The following CDK19 variants were observed in gnomAD, a reference collection of about 807,000 sequenced individuals.
CDK19 encodes cyclin dependent kinase 19, also known as cyclin-dependent kinase 19.
CDK19 carries 20 observed loss-of-function variants against 68.3 expected under a neutral mutation model. The observed-to-expected ratio is 0.29, with a 90% CI of 0.21 to 0.43. CDK19 has a LOEUF of 0.43. Among genes scored for constraint, CDK19 ranks in the 20% least tolerant of loss-of-function variants. CDK19 has a pLI of 1.00. For missense variants in CDK19, 339 were observed against 623.5 expected (o/e 0.54, Z 4.86); for synonymous variants, 221 against 222.8 (o/e 0.99, Z 0.07).
intron 1 of CDK19, among the ~76,000 whole-genome samples, chr6:110,757,290 A>T (rs76060449): frequency 6.6e-6 from 1 of 152,316 alleles, no homozygotes; most frequent in African/African-American, 2.4e-5. Context: ...AAGAAAGGGA[A>T]ACTATTAAAA....
chr6:110,728,891 T>C (rs895108820), intron 2 of CDK19, among the ~76,000 whole-genome samples: 10 of 152,242 alleles, frequency 6.6e-5, no homozygotes, highest in Non-Finnish European at 1.0e-4. Context: ...TCTCTTGTTA[T>C]CCTGCCATGA....
At chr6:110,743,744 G>A (rs972833950) in intron 2 of CDK19, among the ~76,000 whole-genome samples, 5 of 152,038 alleles carry the variant, frequency 3.3e-5, no homozygotes, top group African/African-American at 1.2e-4. Context: ...GGATTCCCTG[G>A]CACATAGAAG....
intron 1 of CDK19, among the ~76,000 whole-genome samples, chr6:110,797,558 T>C (rs149638657): frequency 1.3e-4 from 20 of 151,638 alleles, no homozygotes; most frequent in African/African-American, 4.8e-4. Flanking sequence ...GGAAGGAAGA[T>C]AGAAAAGAAA....
intron 1 of CDK19, among the ~76,000 whole-genome samples, chr6:110,759,428 A>ATATATATATATATATATAT (rs1554219514): frequency 2.0e-5 from 1 of 50,904 alleles, no homozygotes; most frequent in African/African-American, 8.7e-5. Flanking sequence ...AAAAAAAAAA[A>ATATATATATATATATATAT]ATATATATAT....
At chr6:110,711,782 A>G (rs918023319) in intron 2 of CDK19, among the ~76,000 whole-genome samples, 1 of 152,378 alleles carries the variant, frequency 6.6e-6, no homozygotes, top group East Asian at 1.9e-4. Context: ...AGCCTGGCCA[A>G]CATGGCAAAA....
At chr6:110,712,202 A>T (rs1171579655) in intron 2 of CDK19, among the ~76,000 whole-genome samples, 2 of 152,218 alleles carry the variant, frequency 1.3e-5, no homozygotes, top group Non-Finnish European at 2.9e-5. Flanking sequence ...TTGACTGAGT[A>T]AGTAATACAG....
intron 1 of CDK19, among the ~76,000 whole-genome samples, chr6:110,784,348 G>A (rs1781049628): frequency 2.6e-5 from 4 of 151,942 alleles, no homozygotes; most frequent in Admixed American, 2.6e-4. Flanking sequence ...TTTCTCCAAA[G>A]AATATATGCA....
chr6:110,719,372 A>G (rs1775648420), intron 2 of CDK19, among the ~76,000 whole-genome samples: 1 of 152,082 alleles, frequency 6.6e-6, no homozygotes, highest in South Asian at 2.1e-4. Flanking sequence ...AATTTTTGGT[A>G]GAGACAGGGT....
chr6:110,732,983 C>T (rs1164347947), intron 2 of CDK19, among the ~76,000 whole-genome samples: 1 of 152,032 alleles, frequency 6.6e-6, no homozygotes, highest in African/African-American at 2.4e-5. Flanking sequence ...AGGAGAATCG[C>T]TTGAACCCAG....
At chr6:110,654,100 G>A (rs576309616) in intron 4 of CDK19, among the ~76,000 whole-genome samples, 14 of 152,246 alleles carry the variant, frequency 9.2e-5, no homozygotes, top group African/African-American at 1.9e-4. Context: ...GAACAGTGCC[G>A]GCTTGATATT....
Position 110,815,365 on chromosome 6 carries a change from G to T in CDK19, c.-229C>A. ...CTCCTCCTCCTCCGCGACGGCGGCG[G>T]CGGCTCCCGCAGGCACCCCCAGTCC... is the stretch of plus-strand genomic sequence containing the variant. On this transcript the variant is annotated 5_prime_UTR_variant, in exon 1 of 13. Transcript: ENST00000368911. 2.6e-6 allele frequency: 1 copy of T among 391,414 alleles called. No individual in the cohort carries two copies. Among genetic ancestry groups the T allele is most frequent in the Non-Finnish European group, 4.4e-6 (1 of 226,162 alleles). 24.2% of individuals were successfully genotyped at this position (391,414 alleles called of 1,614,324 possible). A position where few individuals can be genotyped will look rare whatever the true frequency, so the allele number is the denominator to read the frequency against.
chr6:110,663,215 ATT>A (rs960627673), intron 4 of CDK19, among the ~76,000 whole-genome samples: 1 of 152,222 alleles, frequency 6.6e-6, no homozygotes, highest in Non-Finnish European at 1.5e-5. Flanking sequence ...GTCAAGCCAA[ATT>A]TCTTACAGCA....
chr6:110,797,969 A>G (rs886163266), intron 1 of CDK19, among the ~76,000 whole-genome samples: 2 of 139,780 alleles, frequency 1.4e-5, no homozygotes, highest in Non-Finnish European at 3.1e-5. Context: ...TGGGCGACAG[A>G]GCAAGACTCC....
intron 1 of CDK19, among the ~76,000 whole-genome samples, chr6:110,755,480 C>A (rs771107215): frequency 2.6e-5 from 4 of 152,084 alleles, no homozygotes; most frequent in Non-Finnish European, 4.4e-5. Flanking sequence ...ACAGGGACTG[C>A]TATCAGGTAA....
rs1024664285 is a variant in CDK19 at position 110,738,086 on chromosome 6, C to T, written c.204+8040G>A. Among the ~76,000 whole-genome samples the T allele has an allele frequency of 3.3e-5, 5 of 152,240 alleles. No individual in the cohort carries two copies. The East Asian group carries it at 9.6e-4, about 29-fold the overall frequency. The stretch of plus-strand genomic sequence containing the variant: ...AGTGTTTTTTACAAAAATCTCAGTA[C>T]TAAACTTTGATTTTGTCCCTTTCAC... On this transcript the variant is annotated intron_variant, in intron 2 of 12. Transcript: ENST00000368911.
chr6:110,621,514 T>C lies in CDK19; in HGVS notation c.1111-144A>G. 2.5e-6 allele frequency: 2 copies of C among 785,308 alleles called. No individual in the cohort carries two copies. Among genetic ancestry groups the C allele is most frequent in the South Asian group, 2.0e-5 (1 of 49,414 alleles). 48.6% of individuals were successfully genotyped at this position (785,308 alleles called of 1,614,324 possible). On this transcript the variant is annotated intron_variant, in intron 11 of 12. Transcript: ENST00000368911. The surrounding 1 kb of genome is among the most constrained non-coding windows in gnomAD (Gnocchi z 5.4). ...TAGAGTGATGGGGAGGACTGGAGAA[T>C]GGAGCAGCCAGGGAACACAGTGTTC...
At chr6:110,658,725 G>A (rs1781446421) in intron 4 of CDK19, among the ~76,000 whole-genome samples, 1 of 152,086 alleles carries the variant, frequency 6.6e-6, no homozygotes, top group East Asian at 1.9e-4. Flanking sequence ...TTTAACACCA[G>A]GAGGCATATT....
chr6:110,677,571 A>T (rs1018612788), intron 2 of CDK19, among the ~76,000 whole-genome samples: 14 of 111,872 alleles, frequency 1.3e-4, no homozygotes, highest in East Asian at 6.6e-4. Flanking sequence ...ATCTCAACAT[A>T]AAAAAAAAAA....
chr6:110,624,979 G>GA (rs1009703639), intron 8 of CDK19, among the ~76,000 whole-genome samples: 1 of 152,174 alleles, frequency 6.6e-6, no homozygotes, highest in Non-Finnish European at 1.5e-5. Context: ...AAGATCATAT[G>GA]AAAAAATGTA....
Sources: gnomAD v4.1 joint callset for allele counts (sites outside exome capture counted in the v4.1 genomes callset) on GRCh38, gnomAD v4.1.1 for gene constraint, Gnocchi (gnomAD v3.1) non-coding constraint, MANE v1.5 for transcripts, NCBI Gene and HGNC (gene_info 2026-07-23, HGNC 2026-07-21) for gene names.